Variants in NAA60 observed in about 807,000 individuals in gnomAD.
NAA60 encodes N-alpha-acetyltransferase 60, NatF catalytic subunit.
Under a neutral mutation model 26.1 loss-of-function variants are expected in NAA60, and 8 were observed. The ratio of observed to expected loss-of-function variants is 0.31; its 90% CI spans 0.18 to 0.55. The LOEUF is 0.55. NAA60 is among the 20% of genes least tolerant of loss of function. NAA60 has a pLI of 0.93. For missense variants in NAA60, 290 were observed against 311.3 expected (o/e 0.93, Z 0.51); for synonymous variants, 131 against 122.5 (o/e 1.07, Z -0.46).
At chr16:3,448,316 A>G (rs1715694866) in intron 1 of NAA60, among the ~76,000 whole-genome samples, 155 bp from the exon 2 acceptor site, 1 of 150,934 alleles carries the variant, frequency 6.6e-6, no homozygotes, top group Non-Finnish European at 1.5e-5. Flanking sequence ...TGTAGTTTAG[A>G]GAACTACATG....
intron 2 of NAA60, chr16:3,458,119 C>T (rs2035103587): frequency 4.1e-6 from 4 of 985,262 alleles, no homozygotes; most frequent in Non-Finnish European, 4.8e-6. Context: ...TTCCCGGCTC[C>T]CTTCGCCTCC....
At chr16:3,449,688 T>A (rs1341291086) in intron 2 of NAA60, among the ~76,000 whole-genome samples, 1 of 152,006 alleles carries the variant, frequency 6.6e-6, no homozygotes, top group Non-Finnish European at 1.5e-5. Context: ...CCATCTGATA[T>A]GGTTTGGCTG....
chr16:3,471,933 C>T (rs1272874540), intron 2 of NAA60, among the ~76,000 whole-genome samples: 1 of 151,972 alleles, frequency 6.6e-6, no homozygotes, highest in Non-Finnish European at 1.5e-5. Flanking sequence ...CCTTGTCCGT[C>T]GATGTTGTGG....
intron 2 of NAA60, among the ~76,000 whole-genome samples, chr16:3,461,476 G>A (rs1287060358): frequency 6.6e-6 from 1 of 152,194 alleles, no homozygotes; most frequent in Non-Finnish European, 1.5e-5. Flanking sequence ...GCTCAGACGG[G>A]ATTCCCCATC....
rs140653859 is a variant in NAA60 at position 3,464,062 on chromosome 16, C to G, written c.-6-12160C>G. ...ATTTTATTTTATTTTGAGACAGAGT[C>G]TCACTCTGTTGCCCAGGCTGGAGTG... On this transcript the variant is annotated intron_variant, in intron 2 of 7. Transcript: ENST00000407558. Among the ~76,000 whole-genome samples, 479 of 152,262 alleles carry G rather than the reference C, an allele frequency of 3.1e-3. 3 individuals are homozygous for G. The highest frequency in any genetic ancestry group is 0.011 in the African/African-American group (438 of 41,556).
At chr16:3,482,307 C>T (rs2036887604) in intron 4 of NAA60, among the ~76,000 whole-genome samples, 195 bp from the exon 5 acceptor site, 1 of 152,212 alleles carries the variant, frequency 6.6e-6, no homozygotes, top group South Asian at 2.1e-4. Context: ...AGCTGTTTTT[C>T]ACCAGAAGGG....
chr16:3,451,685 A>G (rs2034791630), intron 2 of NAA60, among the ~76,000 whole-genome samples: 1 of 151,992 alleles, frequency 6.6e-6, no homozygotes, highest in Admixed American at 6.5e-5. Flanking sequence ...TGGGAGGCCA[A>G]GGTGGGTGGA....
chr16:3,460,364 TGTC>T (rs2035303907), intron 2 of NAA60, among the ~76,000 whole-genome samples: 1 of 152,114 alleles, frequency 6.6e-6, no homozygotes, highest in Non-Finnish European at 1.5e-5. Context: ...GTTTTTTTGT[TGTC>T]GTTGTTGTTT....
intron 2 of NAA60, among the ~76,000 whole-genome samples, chr16:3,454,502 C>G (rs763984324): frequency 6.6e-6 from 1 of 151,930 alleles, no homozygotes; most frequent in Non-Finnish European, 1.5e-5. Context: ...TCAATTATAG[C>G]AAAACTTTAT....
intron 2 of NAA60, among the ~76,000 whole-genome samples, chr16:3,464,958 C>T (rs947376051): frequency 4.6e-5 from 7 of 152,104 alleles, no homozygotes; most frequent in Non-Finnish European, 1.0e-4. Flanking sequence ...AGGCTCATTT[C>T]ACCCCAATTT....
At position 3,479,559 on chromosome 16, in the gene NAA60, A is replaced by C. The variant is rs780101754; in HGVS notation, c.199A>C (p.Ile67Leu). The change falls in exon 4 of 8, where the codon ATA (isoleucine) becomes CTA (leucine). Residue 67 changes from isoleucine to leucine, a missense_variant. By Grantham distance (5) the Ile-to-Leu change is conservative. Coordinates refer to ENST00000407558, the MANE Select transcript of NAA60 (RefSeq NM_001083601.3). ...ATYRGAIVGMIVAEIKNRTKI... is the reference protein window; with the variant it reads ...ATYRGAIVGMLVAEIKNRTKI... ...CTACAGAGGTGCCATTGTGGGAATG[A>C]TAGTAGCTGAAATTAAGAACAGGAC... 1 of 1,614,050 alleles carries C rather than the reference A, an allele frequency of 6.2e-7. No homozygotes were observed. The highest frequency in any genetic ancestry group is 1.3e-5 in the African/African-American group (1 of 75,070).
At chr16:3,457,023 C>G (rs1004628695) in intron 2 of NAA60, 1 of 151,988 alleles carries the variant, frequency 6.6e-6, no homozygotes, top group Admixed American at 6.6e-5. Context: ...AACTCCTGAC[C>G]TCAGGTGATC....
rs968473534 is a variant in NAA60 at position 3,448,842 on chromosome 16, C to A, written c.-7+302C>A. Reference sequence around the variant, plus strand: ...CTCTTGTGAGTCTGATGGGTAAGCCCAGTCTCAGGGCACACTGACAATGTT... The same window carrying A: ...CTCTTGTGAGTCTGATGGGTAAGCCAAGTCTCAGGGCACACTGACAATGTT... On this transcript the variant is annotated intron_variant, in intron 2 of 7. Coordinates refer to ENST00000407558, the MANE Select transcript of NAA60 (RefSeq NM_001083601.3). 1.5e-5 allele frequency: 4 copies of A among 261,500 alleles called. No individual in the cohort carries two copies. In the Admixed American group the frequency reaches 2.0e-4, roughly 13 times the overall value. 16.2% of individuals were successfully genotyped at this position (261,500 alleles called of 1,614,324 possible).
rs1178266831 is a variant in NAA60 at position 3,485,523 on chromosome 16, C to T, written c.*263C>T. ...CCTCTGCCTGCTGCCCTGGCCCTGC[C>T]CCCCTGCGCATGCACCGTCCCCAGG... On this transcript the variant is annotated 3_prime_UTR_variant, in exon 8 of 8. Coordinates refer to ENST00000407558, the MANE Select transcript of NAA60 (RefSeq NM_001083601.3). The T allele has an allele frequency of 2.2e-6, 1 of 455,450 alleles. No individual in the cohort carries two copies. Among genetic ancestry groups the T allele is most frequent in the East Asian group, 7.0e-5 (1 of 14,380 alleles). 28.2% of individuals were successfully genotyped at this position (455,450 alleles called of 1,614,324 possible). A position where few individuals can be genotyped will look rare whatever the true frequency, so the allele number is the denominator to read the frequency against.
At chr16:3,475,212 CCA>C (rs2036405007) in intron 2 of NAA60, among the ~76,000 whole-genome samples, 1 of 152,086 alleles carries the variant, frequency 6.6e-6, no homozygotes, top group African/African-American at 2.4e-5. Flanking sequence ...GCCTCAGCCT[CCA>C]CAGTAACTGG....
At chr16:3,479,351 G>A (rs896693075) in intron 3 of NAA60, 120 bp from the exon 4 acceptor site, 1 of 994,518 alleles carries the variant, frequency 1.0e-6, no homozygotes, top group African/African-American at 1.6e-5. Context: ...CACACTCCTC[G>A]GCAGCCTTAG....
intron 2 of NAA60, among the ~76,000 whole-genome samples, chr16:3,463,751 A>C (rs1596312887): frequency 6.6e-6 from 1 of 151,910 alleles, no homozygotes; most frequent in African/African-American, 2.4e-5. Flanking sequence ...TGTGCCTGTA[A>C]TCCTAGCTAT....
intron 2 of NAA60, among the ~76,000 whole-genome samples, chr16:3,471,004 A>G (rs2036101725): frequency 6.6e-6 from 1 of 152,200 alleles, no homozygotes; most frequent in African/African-American, 2.4e-5. Flanking sequence ...GCCTCCAGAA[A>G]CACGGAAGCA....
At chr16:3,448,581 T>C in intron 2 of NAA60, 41 bp downstream of exon 2, 1 of 1,490,140 alleles carries the variant, frequency 6.7e-7, no homozygotes, top group Non-Finnish European at 9.0e-7. Context: ...AATGATGCCC[T>C]CATAGTCAGA....
Sources: allele counts gnomAD v4.1 joint callset (sites outside exome capture counted in the v4.1 genomes callset), GRCh38; gene constraint gnomAD v4.1.1; transcripts MANE v1.5; gene names NCBI Gene and HGNC (gene_info 2026-07-23, HGNC 2026-07-21).